THSD4: variants seen among roughly 807,000 people sequenced by gnomAD.
The protein encoded by THSD4 is thrombospondin type 1 domain containing 4, also known as thrombospondin type-1 domain-containing protein 4.
THSD4 carries 69 observed loss-of-function variants against 119.0 expected under a neutral mutation model. That is an observed-to-expected ratio of 0.58 (90% CI 0.48 to 0.71). The LOEUF is 0.71. THSD4 is among the 30% of genes least tolerant of loss of function. The pLI, the probability that THSD4 is intolerant of heterozygous loss-of-function variation, is 0.00. For synonymous variants in THSD4, 524 were observed against 540.4 expected, an observed-to-expected ratio of 0.97 and a Z score of 0.42; for missense variants, 1,393 against 1,391.1, an observed-to-expected ratio of 1.00 and a Z score of -0.02.
At chr15:71,116,472 G>C (rs1167554775) in intron 1 of THSD4, among the ~76,000 whole-genome samples, 1 of 152,114 alleles carries the variant, frequency 6.6e-6, no homozygotes, top group African/African-American at 2.4e-5. Context: ...GGAATTTGTG[G>C]TCTAGTAAGT....
At chr15:71,207,878 G>T (rs2043857893) in intron 3 of THSD4, among the ~76,000 whole-genome samples, 1 of 152,144 alleles carries the variant, frequency 6.6e-6, no homozygotes, top group Non-Finnish European at 1.5e-5. Context: ...AAAAAGGTTG[G>T]GGACCACTGA....
Position 71,621,126 on chromosome 15 carries a change from A to C in THSD4, c.1153-39404A>C, listed in dbSNP as rs75874666. Among the ~76,000 whole-genome samples, 596 of 152,330 alleles carry C rather than the reference A, an allele frequency of 3.9e-3. 13 individuals are homozygous for C. The East Asian group carries it at 0.057, about 15-fold the overall frequency. ...ATTCTAAAATGCACAATTGTTTCAC[A>C]TCTTAACATCTAAGAACCCAGGATA... On this transcript the variant is annotated intron_variant, in intron 7 of 17. Coordinates refer to ENST00000261862, the MANE Select transcript of THSD4 (RefSeq NM_024817.3).
At chr15:71,130,704 A>AGTGT (rs2040495583) in intron 1 of THSD4, among the ~76,000 whole-genome samples, 2 of 152,332 alleles carry the variant, frequency 1.3e-5, no homozygotes, top group African/African-American at 4.8e-5. Context: ...TTTAAAAAGC[A>AGTGT]TTCAGCACAA....
At chr15:71,460,315 T>TG (rs2047411381) in intron 7 of THSD4, among the ~76,000 whole-genome samples, 1 of 150,658 alleles carries the variant, frequency 6.6e-6, no homozygotes. Flanking sequence ...GTTTTTTTTT[T>TG]TTTTTTTTTT....
chr15:71,598,773 C>G (rs1219851742), intron 7 of THSD4, among the ~76,000 whole-genome samples: 1 of 151,946 alleles, frequency 6.6e-6, no homozygotes, highest in African/African-American at 2.4e-5. Context: ...ACATACCACC[C>G]CACCCAGCTA....
At position 71,228,785 on chromosome 15, in the gene THSD4, C is replaced by T. The variant is rs1208708298; in HGVS notation, c.464+13386C>T. Among the ~76,000 whole-genome samples the T allele has an allele frequency of 3.3e-5, 5 of 152,208 alleles. No individual in the cohort carries two copies. In the East Asian group the frequency reaches 9.6e-4, roughly 29 times the overall value. On this transcript the variant is annotated intron_variant, in intron 4 of 17. Transcript: ENST00000261862. Reference sequence around the variant, plus strand: ...CCCCAGGTCAGGCCTTGCCCCAGAGCCTTCCTTTCCCCATTTATGGTTTAG... The same window carrying T: ...CCCCAGGTCAGGCCTTGCCCCAGAGTCTTCCTTTCCCCATTTATGGTTTAG...
chr15:71,632,785 G>C (rs920982409), intron 7 of THSD4, among the ~76,000 whole-genome samples: 1 of 152,172 alleles, frequency 6.6e-6, no homozygotes, highest in African/African-American at 2.4e-5. Context: ...TTAGGGTCTT[G>C]TTTATTTACA....
chr15:71,735,079 T>TAC lies in THSD4; in HGVS notation c.1631-2637_1631-2636dup, dbSNP rs368349893. Among the ~76,000 whole-genome samples, 1,415 of 150,088 alleles carry TAC rather than the reference T, an allele frequency of 9.4e-3. 30 individuals are homozygous for TAC. Among genetic ancestry groups the TAC allele is most frequent in the African/African-American group, 0.032 (1,332 of 41,086 alleles). ...ATTCAATCGCAGTCTGCTTGGGGGT[T>TAC]ACACACACACACACACAGACACACA... is the stretch of plus-strand genomic sequence containing the variant. On this transcript the variant is annotated intron_variant, in intron 10 of 17. Transcript: ENST00000261862.
intron 6 of THSD4, among the ~76,000 whole-genome samples, chr15:71,352,663 T>C (rs1196399412): frequency 2.6e-5 from 4 of 152,176 alleles, no homozygotes; most frequent in Admixed American, 1.3e-4. Context: ...ATTTTGGACA[T>C]ACAGGTCCCG....
rs571410366 is a variant in THSD4, at chr15:71,600,961, G to A, written c.1153-59569G>A. Among the ~76,000 whole-genome samples, 3 of 152,064 alleles carry A rather than the reference G, an allele frequency of 2.0e-5. No individual in the cohort carries two copies. In the South Asian group the frequency reaches 6.2e-4, roughly 32 times the overall value. ...GAGATTTCACCATGTTGGTCAGGCT[G>A]GTCTCAAACTCCTGACCCCAGGTGA... On this transcript the variant is annotated intron_variant, in intron 7 of 17. Transcript: ENST00000261862.
At chr15:71,374,996 A>G (rs1192635038) in intron 6 of THSD4, among the ~76,000 whole-genome samples, 4 of 152,172 alleles carry the variant, frequency 2.6e-5, no homozygotes, top group African/African-American at 9.7e-5. Flanking sequence ...CCTCACAGCC[A>G]CAGAAATCCC....
intron 7 of THSD4, among the ~76,000 whole-genome samples, chr15:71,437,230 A>G (rs368038001): frequency 1.3e-5 from 2 of 152,338 alleles, no homozygotes; most frequent in South Asian, 4.1e-4. Context: ...CACCAAGGAT[A>G]TGGTGCTAAG....
At chr15:71,739,855 T>G (rs561835345) in intron 11 of THSD4, among the ~76,000 whole-genome samples, 1 of 152,022 alleles carries the variant, frequency 6.6e-6, no homozygotes, top group East Asian at 1.9e-4. Context: ...TTCCTTTCTT[T>G]TCTTTTCTTT....
At chr15:71,624,217 C>G (rs1285427239) in intron 7 of THSD4, among the ~76,000 whole-genome samples, 1 of 152,198 alleles carries the variant, frequency 6.6e-6, no homozygotes, top group Non-Finnish European at 1.5e-5. Flanking sequence ...GCCCCTCCAT[C>G]ACCCAATCAG....
intron 6 of THSD4, among the ~76,000 whole-genome samples, chr15:71,270,984 AATG>A (rs536195605): frequency 2.7e-4 from 41 of 152,150 alleles, no homozygotes; most frequent in Non-Finnish European, 5.0e-4. Context: ...GATTTAATAG[AATG>A]ATATCTCTGA....
chr15:71,539,420 TCTTC>T (rs2048728625), intron 7 of THSD4, among the ~76,000 whole-genome samples: 1 of 152,212 alleles, frequency 6.6e-6, no homozygotes, highest in Non-Finnish European at 1.5e-5. Flanking sequence ...GAAACCTGCA[TCTTC>T]CTTCTTCCTT....
chr15:71,126,521 C>T (rs1231432771), intron 1 of THSD4, among the ~76,000 whole-genome samples: 1 of 152,168 alleles, frequency 6.6e-6, no homozygotes, highest in African/African-American at 2.4e-5. Flanking sequence ...CACCTCATAC[C>T]ATAATACCTA....
rs536471256 is a variant in THSD4 at position 71,414,113 on chromosome 15, G to C, written c.1152+2290G>C. On this transcript the variant is annotated intron_variant, in intron 7 of 17. Coordinates refer to ENST00000261862, the MANE Select transcript of THSD4 (RefSeq NM_024817.3). The stretch of plus-strand genomic sequence containing the variant: ...GTCATGCCTCTTCCACAGATTTACT[G>C]TGTGATTTTGCAAAAGTTACTTAAG... Among the ~76,000 whole-genome samples, 124 of 152,330 alleles carry C rather than the reference G, an allele frequency of 8.1e-4. 1 individual carries two copies. In the South Asian group the frequency reaches 0.024, roughly 30 times the overall value.
At chr15:71,236,404 G>C (rs1291082652) in intron 4 of THSD4, among the ~76,000 whole-genome samples, 3 of 152,174 alleles carry the variant, frequency 2.0e-5, no homozygotes, top group Non-Finnish European at 4.4e-5. Context: ...AGCCCCTGCT[G>C]GGTCCCTCTC....
Sources: gnomAD v4.1 joint callset for allele counts (sites outside exome capture counted in the v4.1 genomes callset) on GRCh38, gnomAD v4.1.1 for gene constraint, MANE v1.5 for transcripts, NCBI Gene and HGNC (gene_info 2026-07-23, HGNC 2026-07-21) for gene names.